Variants in WDR24 observed in about 807,000 individuals in gnomAD.
The protein encoded by WDR24 is GATOR2 complex protein WDR24.
A neutral mutation model predicts 66.7 loss-of-function variants in WDR24; 32 were observed. The observed-to-expected ratio is 0.48, with a 90% CI of 0.36 to 0.64. The LOEUF (loss-of-function observed/expected upper bound fraction) is 0.64. Among genes scored for constraint, WDR24 ranks in the 30% least tolerant of loss-of-function variants. The probability of loss-of-function intolerance (pLI) is 0.00; values close to 1 mark genes in which losing one functional copy is unlikely to be tolerated. For synonymous variants in WDR24, 565 were observed against 469.1 expected, an observed-to-expected ratio of 1.20 and a Z score of -2.64; for missense variants, 978 against 1,144.1, an observed-to-expected ratio of 0.85 and a Z score of 2.09.
At position 685,237 on chromosome 16, in the gene WDR24, A is replaced by G; in HGVS notation, c.2019+20T>C. On this transcript the variant is annotated intron_variant, in intron 7 of 8. Coordinates refer to ENST00000293883, the MANE Select transcript of WDR24 (RefSeq NM_032259.4). ...TGCCAGGGGCGGCGCTGCAGGGGGG[A>G]GGCCCCGCCCACCACACACCTGGGT... 1 of 1,593,050 alleles carries G rather than the reference A, an allele frequency of 6.3e-7. No homozygotes were observed. Among genetic ancestry groups the G allele is most frequent in the South Asian group, 1.1e-5 (1 of 90,266 alleles).
chr16:687,544 T>A lies in WDR24; in HGVS notation c.659+18A>T. On this transcript the variant is annotated intron_variant, in intron 2 of 8. Transcript: ENST00000293883. ...GAGCTTACTGTCAACCTACTGCCCC[T>A]GCACCCCCATGCCACACCTGTCCTC... 6.2e-7 allele frequency: 1 copy of A among 1,609,424 alleles called. No individual in the cohort carries two copies.
chr16:687,277 G>A lies in WDR24; in HGVS notation c.799C>T (p.Leu267=). 6.2e-7 allele frequency: 1 copy of A among 1,611,618 alleles called. No homozygotes were observed. Among genetic ancestry groups the A allele is most frequent in the Non-Finnish European group, 8.5e-7 (1 of 1,179,778 alleles). ...TCCACCATCATGGAGCACGTGGCCA[G>A]GTGGTGGCGGCACTCTGGCCGCCAC... ...VKWRPECRHH[L]ATCSMMVDHN... is the part of the protein sequence containing the mutation. The change falls in exon 3 of 9, where the codon CTG becomes TTG. Residue 267 remains leucine, a synonymous_variant. Transcript: ENST00000293883.
Position 687,365 on chromosome 16 carries a change from C to T in WDR24, c.711G>A (p.Met237Ile). The T allele has an allele frequency of 4.4e-6, 7 of 1,599,778 alleles. No individual in the cohort carries two copies. Among genetic ancestry groups the T allele is most frequent in the Non-Finnish European group, 6.0e-6 (7 of 1,171,766 alleles). Residue 237 changes from methionine to isoleucine, a missense_variant, in exon 3 of 9, where the codon ATG (methionine) becomes ATA (isoleucine). By Grantham distance (10) the Met-to-Ile change is conservative. Transcript: ENST00000293883. ...GCATCTCCTTGGCACGGTGCGTGGT[C>T]ATGTCCCAGACCTTCACCATCTTGT... ...GRDKMVKVWD[M>I]TTHRAKEMHC...
rs374416410 is a variant in WDR24 at position 685,386 on chromosome 16, G to A, written c.1890C>T (p.Pro630=). 28 of 1,612,312 alleles carry A rather than the reference G, an allele frequency of 1.7e-5. No homozygotes were observed. The African/African-American group carries it at 3.5e-4, about 20-fold the overall frequency. ...CGCGCACCAGCACGCCGAAGAAGTC[G>A]GGCGGCAGGCGGCTGTCGTAGAGCG... ...SHALYDSRLP[P]DFFGVLVRDM... Residue 630 remains proline (P), a synonymous_variant, in exon 7 of 9, where the codon CCC becomes CCT. Transcript: ENST00000293883.
rs756149411 is a variant in WDR24, at chr16:686,850, A to G, written c.1226T>C (p.Met409Thr). 9.3e-6 allele frequency: 15 copies of G among 1,611,270 alleles called. No individual in the cohort carries two copies. The highest frequency in any genetic ancestry group is 1.7e-4 in the Middle Eastern group (1 of 6,056). ...VFETEPGGGG[M>T]RWFVDTAERY... ...CTCAGCTGTGTCCACAAACCAGCGCATGCCGCCGCCACCTGGCTCCGTCTC... is the reference window on the plus strand; with the variant it reads ...CTCAGCTGTGTCCACAAACCAGCGCGTGCCGCCGCCACCTGGCTCCGTCTC... The change falls in exon 3 of 9, where the codon ATG becomes ACG. Residue 409 changes from methionine (M) to threonine (T), a missense_variant. By Grantham distance (81) the Met-to-Thr change is moderately conservative. Transcript: ENST00000293883.
Position 686,968 on chromosome 16 carries a change from T to C in WDR24, c.1108A>G (p.Thr370Ala), listed in dbSNP as rs758918053. 3 of 1,599,970 alleles carry C rather than the reference T, an allele frequency of 1.9e-6. No homozygotes were observed. The highest frequency in any genetic ancestry group is 2.5e-6 in the Non-Finnish European group (3 of 1,176,910). Residue 370 changes from threonine (T) to alanine (A), a missense_variant, in exon 3 of 9, where the codon ACT becomes GCT. By Grantham distance (58) the Thr-to-Ala change is moderately conservative. Coordinates refer to ENST00000293883, the MANE Select transcript of WDR24 (RefSeq NM_032259.4). ...VAAESGRKPY[T>A]GDRRHPIFFK... ...AAGATGGGGTGGCGCCGGTCGCCAG[T>C]GTAGGGCTTGCGCCCCGACTCGGCA...
In WDR24 at chr16:684,749, G is replaced by T; in HGVS notation, c.2358C>A (p.Leu786=). Residue 786 remains leucine, a synonymous_variant, in exon 9 of 9, where the codon CTC becomes CTA. Coordinates refer to ENST00000293883, the MANE Select transcript of WDR24 (RefSeq NM_032259.4). The part of the protein sequence containing the change: ...SSHCPAGCGH[L]CEYS ...AGATGCCCCGTCAGGAGTACTCGCA[G>T]AGGTGGCCGCAGCCTGCGGGACAGT... is the stretch of plus-strand genomic sequence containing the variant. The T allele has an allele frequency of 6.3e-7, 1 of 1,599,100 alleles. No individual in the cohort carries two copies. Among genetic ancestry groups the T allele is most frequent in the East Asian group, 2.3e-5 (1 of 44,000 alleles).
In WDR24 at chr16:687,214, C is replaced by T. The variant is rs746808461; in HGVS notation, c.862G>A (p.Val288Met). The change falls in exon 3 of 9, where the codon GTG (valine) becomes ATG (methionine). Residue 288 changes from valine (V) to methionine (M), a missense_variant. Around this residue, in one of 2 missense-constraint regions of WDR24, gnomAD observed 302 missense variants for 526.6 expected, o/e 0.57. Coordinates refer to ENST00000293883, the MANE Select transcript of WDR24 (RefSeq NM_032259.4). ...IYVWDVRRPF[V>M]PAAMFEEHRD... Reference sequence around the variant, plus strand: ...TGTTCCTCAAACATGGCAGCTGGCACGAAGGGCCGGCGCACGTCCCAAACA... The same window carrying T: ...TGTTCCTCAAACATGGCAGCTGGCATGAAGGGCCGGCGCACGTCCCAAACA... 10 of 1,612,566 alleles carry T rather than the reference C, an allele frequency of 6.2e-6. No individual in the cohort carries two copies. Among genetic ancestry groups the T allele is most frequent in the South Asian group, 1.1e-5 (1 of 91,082 alleles).
chr16:688,941 G>T, intron 1 of WDR24: 1 of 676,126 alleles, frequency 1.5e-6, no homozygotes, highest in Non-Finnish European at 2.4e-6. Context: ...AATTTCTGCT[G>T]GTCTCATCTC....
At chr16:688,598 T>C (rs1393758561) in intron 1 of WDR24, among the ~76,000 whole-genome samples, 1 of 152,220 alleles carries the variant, frequency 6.6e-6, no homozygotes, top group Non-Finnish European at 1.5e-5. Flanking sequence ...TGCCAGGATC[T>C]GTCTTAAGTG....
chr16:686,929 G>T lies in WDR24; in HGVS notation c.1147C>A (p.Leu383Met), dbSNP rs549402723. The change falls in exon 3 of 9, where the codon CTG becomes ATG. Residue 383 changes from leucine to methionine, a missense_variant. By Grantham distance (15) the Leu-to-Met change is conservative (BLOSUM62 2). Around this residue, in one of 2 missense-constraint regions of WDR24, gnomAD observed 676 missense variants for 617.5 expected, o/e 1.09. Transcript: ENST00000293883. ...CCTGCGAAGGGCTCGGCAGGGTCCA[G>T]CTTGCGCTTAAAGAAGATGGGGTGG... ...RRHPIFFKRK[L>M]DPAEPFAGLA... 7 of 1,604,972 alleles carry T rather than the reference G, an allele frequency of 4.4e-6. No homozygotes were observed. The South Asian group carries it at 4.4e-5, about 10-fold the overall frequency.
chr16:685,624 C>G (rs368848111), intron 6 of WDR24, 27 bp from the exon 7 acceptor site: 13 of 1,609,194 alleles, frequency 8.1e-6, no homozygotes, highest in Non-Finnish European at 1.1e-5. Context: ...AGCGGAGGCT[C>G]TGAGTCTGTC....
chr16:689,172 T>G lies in WDR24; in HGVS notation c.469A>C (p.Ser157Arg). Residue 157 changes from serine (S) to arginine (R), a missense_variant, in exon 1 of 9, where the codon AGC (serine) becomes CGC (arginine). This residue lies in a region of WDR24 where 302 missense variants were observed against 526.6 expected (regional missense o/e 0.57). Transcript: ENST00000293883. ...TCTGTGGCCTCACCCGAGAAGGTGCTGACAGAGTCCTTTCTGCGGAGGTCA... is the reference window on the plus strand; with the variant it reads ...TCTGTGGCCTCACCCGAGAAGGTGCGGACAGAGTCCTTTCTGCGGAGGTCA... Reference protein sequence around the residue: ...CFDLRRKDSVSTFSGQSESVR... With the variant: ...CFDLRRKDSVRTFSGQSESVR... The G allele has an allele frequency of 6.2e-7, 1 of 1,613,488 alleles. No individual in the cohort carries two copies. The highest frequency in any genetic ancestry group is 8.5e-7 in the Non-Finnish European group (1 of 1,179,934).
Position 685,558 on chromosome 16 carries a change from G to A in WDR24, c.1718C>T (p.Pro573Leu), listed in dbSNP as rs1196365112. ...PECVLPQEAF[P>L]LRHEIVDTPP... The stretch of plus-strand genomic sequence containing the variant: ...CGTGTCCACGATCTCGTGGCGCAGC[G>A]GAAAGGCCTCCTGCGGCAGCACGCA... Residue 573 changes from proline (P) to leucine (L), a missense_variant, in exon 7 of 9, where the codon CCG becomes CTG. Pro to Leu is a moderately conservative substitution (Grantham distance 98, BLOSUM62 -3). Transcript: ENST00000293883. The A allele has an allele frequency of 9.4e-6, 15 of 1,587,494 alleles. No individual in the cohort carries two copies. The highest frequency in any genetic ancestry group is 2.2e-5 in the South Asian group (2 of 89,340).
chr16:686,237 A>G, intron 3 of WDR24, 51 bp from the exon 4 acceptor site: 3 of 1,589,342 alleles, frequency 1.9e-6, no homozygotes, highest in East Asian at 2.2e-5. Context: ...CCAGCACCCC[A>G]TGCAGGTCCC....
intron 3 of WDR24, among the ~76,000 whole-genome samples, chr16:686,449 G>A (rs1027060201): frequency 5.9e-5 from 9 of 152,192 alleles, no homozygotes; most frequent in Admixed American, 1.3e-4. Flanking sequence ...GGCAGCTCAC[G>A]GCTCCACCGC....
chr16:687,591 G>A lies in WDR24; in HGVS notation c.630C>T (p.Val210=), dbSNP rs773965462. 1.2e-6 allele frequency: 2 copies of A among 1,613,238 alleles called. No homozygotes were observed. Among genetic ancestry groups the A allele is most frequent in the South Asian group, 1.1e-5 (1 of 91,088 alleles). The part of the protein sequence containing the change: ...ERMFTAHNGP[V]FCCDWHPEDR... ...CCTCGGGGTGCCAGTCGCAGCAGAAGACGGGTCCGTTGTGGGCTGTGAACA... is the reference window on the plus strand; with the variant it reads ...CCTCGGGGTGCCAGTCGCAGCAGAAAACGGGTCCGTTGTGGGCTGTGAACA... The change falls in exon 2 of 9, where the codon GTC becomes GTT. Residue 210 remains valine, a synonymous_variant. Coordinates refer to ENST00000293883, the MANE Select transcript of WDR24 (RefSeq NM_032259.4).
intron 3 of WDR24, 24 bp downstream of exon 3, chr16:686,720 C>T (rs2039911755): frequency 6.4e-7 from 1 of 1,565,482 alleles, no homozygotes; most frequent in Non-Finnish European, 8.7e-7. Context: ...GGCCCAGGGA[C>T]CCCCAGGCTC....
intron 3 of WDR24, 45 bp downstream of exon 3, chr16:686,699 C>T: frequency 1.9e-6 from 3 of 1,545,422 alleles, no homozygotes; most frequent in Middle Eastern, 3.6e-4. Flanking sequence ...CAGCCCCTGC[C>T]CTGAGGTCGT....
Sources: gnomAD v4.1 joint callset for allele counts (sites outside exome capture counted in the v4.1 genomes callset) on GRCh38, gnomAD v4.1.1 for gene constraint, gnomAD v4.1.1 regional missense constraint, MANE v1.5 for transcripts, NCBI Gene and HGNC (gene_info 2026-07-23, HGNC 2026-07-21) for gene names.